NT5M: variants seen among roughly 807,000 people sequenced by gnomAD.
The protein encoded by NT5M is 5',3'-nucleotidase, mitochondrial.
In NT5M, 22 loss-of-function variants were observed where a neutral mutation model predicts 22.2. The observed-to-expected ratio is 0.99, with a 90% CI of 0.71 to 1.41. NT5M has a LOEUF of 1.41. Ranked by LOEUF, NT5M falls within the 40% of genes most tolerant of loss-of-function variation. NT5M has a pLI of 0.00. For synonymous variants in NT5M, 167 were observed against 133.0 expected (o/e 1.26, Z -1.76); for missense variants, 322 against 314.8 (o/e 1.02, Z -0.17).
At chr17:17,332,060 G>A (rs143438389) in intron 3 of NT5M, among the ~76,000 whole-genome samples, 105 of 148,650 alleles carry the variant, frequency 7.1e-4, no homozygotes, top group African/African-American at 2.7e-3. Flanking sequence ...GATTACAGGT[G>A]TGAGCCACCG....
chr17:17,335,579 C>T (rs1255761391), intron 3 of NT5M, among the ~76,000 whole-genome samples: 1 of 152,042 alleles, frequency 6.6e-6, no homozygotes, highest in African/African-American at 2.4e-5. Context: ...TCACCTTAAA[C>T]ATTCAATCCT....
At chr17:17,340,256 T>C (rs958804509) in intron 3 of NT5M, among the ~76,000 whole-genome samples, 3 of 152,252 alleles carry the variant, frequency 2.0e-5, no homozygotes, top group Non-Finnish European at 2.9e-5. Context: ...GATTTTCTAA[T>C]GTATTGGCAT....
At chr17:17,341,764 G>C (rs149986803) in intron 3 of NT5M, among the ~76,000 whole-genome samples, 318 of 152,292 alleles carry the variant, frequency 2.1e-3, no homozygotes, top group Non-Finnish European at 3.2e-3. Flanking sequence ...GGTGCAGTGG[G>C]TCATGCCTGT....
At position 17,306,635 on chromosome 17, in the gene NT5M, C is replaced by G; in HGVS notation, c.360C>G (p.Ser120Arg). Residue 120 changes from serine (S) to arginine (R), a missense_variant, in exon 2 of 5, where the codon AGC becomes AGG. Coordinates refer to ENST00000389022, the MANE Select transcript of NT5M (RefSeq NM_020201.4). Reference protein sequence around the residue: ...GAVEAVKEMASLQNTDVFICT... With the variant: ...GAVEAVKEMARLQNTDVFICT... Reference sequence around the variant, plus strand: ...TGGAAGCTGTCAAGGAGATGGCCAGCCTACAAAAGTAAGTTTGTCCTCCCA... The same window carrying G: ...TGGAAGCTGTCAAGGAGATGGCCAGGCTACAAAAGTAAGTTTGTCCTCCCA... 1 of 1,612,406 alleles carries G rather than the reference C, an allele frequency of 6.2e-7. No homozygotes were observed. Among genetic ancestry groups the G allele is most frequent in the Non-Finnish European group, 8.5e-7 (1 of 1,178,508 alleles).
At chr17:17,303,863 G>T in intron 1 of NT5M, 46 bp downstream of exon 1, 2 of 1,335,790 alleles carry the variant, frequency 1.5e-6, no homozygotes, top group Non-Finnish European at 1.9e-6. Flanking sequence ...TTCTCGCCCC[G>T]AGCCCCAGAC....
In NT5M at chr17:17,346,850, G is replaced by A. The variant is rs551087061; in HGVS notation, c.590G>A (p.Cys197Tyr). ...PSWEHVLFTA[C>Y]HNQHLQLQPP... Reference sequence around the variant, plus strand: ...TGGGAGCATGTCCTCTTCACCGCCTGCCACAACCAGCACCTGCAGCTGCAG... The same window carrying A: ...TGGGAGCATGTCCTCTTCACCGCCTACCACAACCAGCACCTGCAGCTGCAG... The change falls in exon 5 of 5, where the codon TGC becomes TAC. Residue 197 changes from cysteine (C) to tyrosine (Y), a missense_variant. Transcript: ENST00000389022. 4.4e-6 allele frequency: 7 copies of A among 1,608,158 alleles called. No individual in the cohort carries two copies. The highest frequency in any genetic ancestry group is 1.1e-5 in the South Asian group (1 of 91,064).
chr17:17,340,200 A>T (rs2049608056), intron 3 of NT5M, among the ~76,000 whole-genome samples: 2 of 152,146 alleles, frequency 1.3e-5, no homozygotes, highest in African/African-American at 2.4e-5. Context: ...TTCATGGTTC[A>T]ATCTTGGTAG....
Position 17,303,574 on chromosome 17 carries a change from T to C in NT5M, c.24T>C (p.Cys8=). 1.6e-5 allele frequency: 18 copies of C among 1,131,882 alleles called. No homozygotes were observed. Among genetic ancestry groups the C allele is most frequent in the Non-Finnish European group, 2.0e-5 (18 of 921,116 alleles). The allele number at this position is 1,131,882 out of a possible 1,614,324, so 70.1% of individuals were successfully genotyped here. Reference sequence around the variant, plus strand: ...CCATGATCCGGCTGGGCGGCTGGTGTGCGCGGCGGCTCTGCAGCGCGGCGG... The same window carrying C: ...CCATGATCCGGCTGGGCGGCTGGTGCGCGCGGCGGCTCTGCAGCGCGGCGG... MIRLGGW[C]ARRLCSAAVP... Residue 8 remains cysteine, a synonymous_variant, in exon 1 of 5, where the codon TGT becomes TGC. Coordinates refer to ENST00000389022, the MANE Select transcript of NT5M (RefSeq NM_020201.4).
At chr17:17,314,649 G>C (rs895212720) in intron 2 of NT5M, among the ~76,000 whole-genome samples, 1 of 152,190 alleles carries the variant, frequency 6.6e-6, no homozygotes, top group Admixed American at 6.5e-5. Context: ...TGGGAAGGCT[G>C]TCTGCCATCT....
chr17:17,328,093 G>C (rs1164846881), intron 3 of NT5M, among the ~76,000 whole-genome samples: 1 of 152,150 alleles, frequency 6.6e-6, no homozygotes, highest in Non-Finnish European at 1.5e-5. Context: ...ACAGAAATTT[G>C]TATTCATTTC....
At chr17:17,320,124 G>A (rs140825221) in intron 2 of NT5M, among the ~76,000 whole-genome samples, 1,601 of 152,362 alleles carry the variant, frequency 0.011, 28 homozygotes, top group African/African-American at 0.036. Context: ...TTACAGGCGT[G>A]AGCCACCACG....
intron 3 of NT5M, among the ~76,000 whole-genome samples, chr17:17,340,263 G>A (rs979577292): frequency 1.3e-5 from 2 of 152,028 alleles, no homozygotes; most frequent in Admixed American, 1.3e-4. Context: ...TAATGTATTG[G>A]CATGTAGTTG....
At chr17:17,328,350 ACAC>A (rs1417866346) in intron 3 of NT5M, among the ~76,000 whole-genome samples, 1 of 152,170 alleles carries the variant, frequency 6.6e-6, no homozygotes. Context: ...TGGTTTAGCC[ACAC>A]CACCACCTTT....
At chr17:17,333,392 C>G (rs1489648756) in intron 3 of NT5M, 1 of 152,078 alleles carries the variant, frequency 6.6e-6, no homozygotes, top group Non-Finnish European at 1.5e-5. Context: ...CAGCTGTGAC[C>G]CCCTGGGCTG....
At chr17:17,334,075 C>T (rs1451688040) in intron 3 of NT5M, among the ~76,000 whole-genome samples, 3 of 151,884 alleles carry the variant, frequency 2.0e-5, no homozygotes, top group African/African-American at 4.8e-5. Context: ...CCTCATGATC[C>T]GCCCGCCTCG....
At chr17:17,315,752 G>GTTTTTTTTTT (rs1418422176) in intron 2 of NT5M, among the ~76,000 whole-genome samples, 2 of 93,994 alleles carry the variant, frequency 2.1e-5, no homozygotes, top group Admixed American at 1.3e-4. Flanking sequence ...GGGTTTTTTT[G>GTTTTTTTTTT]TTTTTTTTTT....
At chr17:17,338,677 G>GTTT (rs59650601) in intron 3 of NT5M, among the ~76,000 whole-genome samples, 8 of 73,212 alleles carry the variant, frequency 1.1e-4, no homozygotes, top group African/African-American at 1.8e-4. Flanking sequence ...AATGTTAAGG[G>GTTT]TTTTTTTTTT....
chr17:17,346,963 G>C lies in NT5M; in HGVS notation c.*16G>C. On this transcript the variant is annotated 3_prime_UTR_variant, in exon 5 of 5. Coordinates refer to ENST00000389022, the MANE Select transcript of NT5M (RefSeq NM_020201.4). The stretch of plus-strand genomic sequence containing the variant: ...GCCCTGCTGAGCTGGACTGTGCTTC[G>C]GGCTCCTCTGTGGGGCTCTGACCTC... The C allele has an allele frequency of 1.2e-6, 2 of 1,609,620 alleles. No homozygotes were observed. Among genetic ancestry groups the C allele is most frequent in the Non-Finnish European group, 1.7e-6 (2 of 1,179,744 alleles).
At position 17,322,695 on chromosome 17, in the gene NT5M, G is replaced by GGGCA. The variant is rs2049175467; in HGVS notation, c.369-490_369-489insGGCA. Among the ~76,000 whole-genome samples the GGGCA allele has an allele frequency of 2.7e-5, 3 of 112,708 alleles. No individual in the cohort carries two copies. The Admixed American group carries it at 2.7e-4, about 10-fold the overall frequency. The allele number at this position is 112,708 out of a possible 152,430, so 73.9% of individuals were successfully genotyped here. A position where few individuals can be genotyped will look rare whatever the true frequency, so the allele number is the denominator to read the frequency against. On this transcript the variant is annotated intron_variant, in intron 2 of 4. Coordinates refer to ENST00000389022, the MANE Select transcript of NT5M (RefSeq NM_020201.4). ...GCTGGGGCCCTGTGGGCATGAGGGC[G>GGGCA]CAGGCACCTGGGAGGCCATTTGGGT...
Sources: allele counts gnomAD v4.1 joint callset (sites outside exome capture counted in the v4.1 genomes callset), GRCh38; gene constraint gnomAD v4.1.1; transcripts MANE v1.5; gene names NCBI Gene and HGNC (gene_info 2026-07-23, HGNC 2026-07-21).